Variants in VEGFC observed in about 807,000 individuals in gnomAD.
VEGFC encodes vascular endothelial growth factor C.
In VEGFC, 12 loss-of-function variants were observed where a neutral mutation model predicts 46.1. The observed-to-expected ratio is 0.26, with a 90% CI of 0.17 to 0.42. The LOEUF is 0.42. Ranked by LOEUF, VEGFC falls within the 10% of genes least tolerant of loss-of-function variation. The probability of loss-of-function intolerance (pLI) is 1.00; values close to 1 mark genes in which losing one functional copy is unlikely to be tolerated. For synonymous variants in VEGFC, 232 were observed against 195.5 expected (o/e 1.19, Z -1.56); for missense variants, 488 against 529.4 (o/e 0.92, Z 0.77).
At chr4:176,748,652 A>G (rs1032744887) in intron 1 of VEGFC, among the ~76,000 whole-genome samples, 1 of 152,006 alleles carries the variant, frequency 6.6e-6, no homozygotes, top group African/African-American at 2.4e-5. Context: ...CAGGAAAACA[A>G]CTTTCCAGAA....
intron 4 of VEGFC, among the ~76,000 whole-genome samples, chr4:176,695,846 T>C (rs1296925560): frequency 5.9e-5 from 9 of 152,106 alleles, no homozygotes; most frequent in Non-Finnish European, 1.0e-4. Context: ...AATAAATAAA[T>C]GTAATCCAGC....
intron 4 of VEGFC, among the ~76,000 whole-genome samples, chr4:176,699,250 A>G (rs147989098): frequency 6.6e-6 from 1 of 152,328 alleles, no homozygotes; most frequent in African/African-American, 2.4e-5. Flanking sequence ...AGCCACCAGC[A>G]TTAGTGAAAC....
intron 1 of VEGFC, among the ~76,000 whole-genome samples, chr4:176,743,994 A>G (rs1735220745): frequency 6.6e-6 from 1 of 152,042 alleles, no homozygotes; most frequent in South Asian, 2.1e-4. Context: ...AATTCCCAGA[A>G]ACATTTGTTA....
chr4:176,791,788 C>A (rs1187947647), intron 1 of VEGFC, among the ~76,000 whole-genome samples: 1 of 152,096 alleles, frequency 6.6e-6, no homozygotes, highest in Non-Finnish European at 1.5e-5. Context: ...GTTTGGAGTC[C>A]CATGAATCAG....
intron 1 of VEGFC, among the ~76,000 whole-genome samples, chr4:176,768,256 T>C (rs1175175090): frequency 6.6e-6 from 1 of 151,892 alleles, no homozygotes; most frequent in Non-Finnish European, 1.5e-5. Context: ...GATATGAAGA[T>C]ATCTAGAACC....
intron 1 of VEGFC, among the ~76,000 whole-genome samples, chr4:176,770,897 A>G (rs768818394): frequency 6.6e-6 from 1 of 152,000 alleles, no homozygotes; most frequent in Middle Eastern, 3.4e-3. Context: ...TGAGATACCC[A>G]TGAGAATGTC....
At chr4:176,791,489 G>GA (rs879574339) in intron 1 of VEGFC, among the ~76,000 whole-genome samples, 112 of 145,896 alleles carry the variant, frequency 7.7e-4, no homozygotes, top group South Asian at 5.5e-3. Context: ...ACCCAAACAA[G>GA]AAAAAAAAAA....
chr4:176,686,347 T>C (rs1734041448), intron 6 of VEGFC, among the ~76,000 whole-genome samples: 1 of 152,184 alleles, frequency 6.6e-6, no homozygotes. Flanking sequence ...AAATGCCTCG[T>C]TTTTGAGCAG....
intron 3 of VEGFC, among the ~76,000 whole-genome samples, chr4:176,719,126 G>A (rs772114795): frequency 2.0e-5 from 3 of 151,936 alleles, no homozygotes; most frequent in Non-Finnish European, 2.9e-5. Context: ...TTCCTCACAC[G>A]CCCTGATAAC....
chr4:176,751,652 G>T (rs1026573641), intron 1 of VEGFC, among the ~76,000 whole-genome samples: 11 of 151,552 alleles, frequency 7.3e-5, no homozygotes, highest in Non-Finnish European at 1.3e-4. Flanking sequence ...AACAAAAACA[G>T]AAAATAACAT....
intron 1 of VEGFC, among the ~76,000 whole-genome samples, chr4:176,773,738 A>C (rs1735760961): frequency 6.6e-6 from 1 of 152,194 alleles, no homozygotes; most frequent in Non-Finnish European, 1.5e-5. Flanking sequence ...GCTGGAGTAC[A>C]GTGGCACTAT....
rs371857945 is a variant in VEGFC, at chr4:176,687,810, A to G, written c.811+11T>C. On this transcript the variant is annotated intron_variant, in intron 5 of 6. Coordinates refer to ENST00000618562, the MANE Select transcript of VEGFC (RefSeq NM_005429.5). ...CCTGGCGTTTAGTCTTTAAAGCATC[A>G]TTCTGCTTACCATCTCCAGCATCCG... 6.3e-7 allele frequency: 1 copy of G among 1,594,766 alleles called. No homozygotes were observed.
intron 2 of VEGFC, 39 bp from the exon 3 acceptor site, chr4:176,728,007 C>T: frequency 6.7e-7 from 1 of 1,503,168 alleles, no homozygotes; most frequent in African/African-American, 1.4e-5. Context: ...TTTACGGAAA[C>T]CACCAAGATA....
intron 4 of VEGFC, among the ~76,000 whole-genome samples, chr4:176,694,693 A>G (rs564804715): frequency 6.8e-6 from 1 of 146,944 alleles, no homozygotes; most frequent in South Asian, 2.1e-4. Context: ...TCAGCACCAC[A>G]CCACACCTAT....
At chr4:176,750,889 A>G (rs1187648023) in intron 1 of VEGFC, among the ~76,000 whole-genome samples, 1 of 151,758 alleles carries the variant, frequency 6.6e-6, no homozygotes, top group Admixed American at 6.6e-5. Context: ...ATACGTTTGA[A>G]AACTTCAGTA....
At chr4:176,779,273 T>C (rs1735867660) in intron 1 of VEGFC, among the ~76,000 whole-genome samples, 1 of 152,156 alleles carries the variant, frequency 6.6e-6, no homozygotes. Context: ...ATATATAGTA[T>C]TTTTTATAGG....
chr4:176,761,257 TTA>T (rs1160497072), intron 1 of VEGFC, among the ~76,000 whole-genome samples: 1 of 152,240 alleles, frequency 6.6e-6, no homozygotes, highest in East Asian at 1.9e-4. Flanking sequence ...CAGTGAGAAC[TTA>T]TTTAAGTCCT....
intron 4 of VEGFC, among the ~76,000 whole-genome samples, chr4:176,702,826 TA>T (rs540883626): frequency 2.0e-5 from 3 of 152,008 alleles, no homozygotes; most frequent in East Asian, 3.9e-4. Context: ...CGTCACAGAA[TA>T]AAAAAAACAT....
intron 4 of VEGFC, among the ~76,000 whole-genome samples, chr4:176,710,285 G>A (rs1220507203): frequency 1.3e-5 from 2 of 152,188 alleles, no homozygotes; most frequent in African/African-American, 2.4e-5. Flanking sequence ...GCTGAGGAAG[G>A]TGAACAGAAC....
Sources: allele counts gnomAD v4.1 joint callset (sites outside exome capture counted in the v4.1 genomes callset), GRCh38; gene constraint gnomAD v4.1.1; transcripts MANE v1.5; gene names NCBI Gene and HGNC (gene_info 2026-07-23, HGNC 2026-07-21).